NALF1: variants seen among roughly 807,000 people sequenced by gnomAD.
NALF1 encodes the protein family with sequence similarity 155 member A.
Under a neutral mutation model 48.4 loss-of-function variants are expected in NALF1, and 3 were observed. The observed-to-expected ratio is 0.06, with a 90% CI of 0.03 to 0.16. The LOEUF (loss-of-function observed/expected upper bound fraction) is 0.16. Among genes scored for constraint, NALF1 ranks in the 10% least tolerant of loss-of-function variants. NALF1 has a pLI of 1.00. For missense variants in NALF1, 526 were observed against 571.5 expected (o/e 0.92, Z 0.81); for synonymous variants, 262 against 245.7 (o/e 1.07, Z -0.62).
chr13:107,610,448 G>GT (rs1879195228), intron 1 of NALF1, among the ~76,000 whole-genome samples: 1 of 151,266 alleles, frequency 6.6e-6, no homozygotes, highest in Non-Finnish European at 1.5e-5. Flanking sequence ...ATAATTTCAA[G>GT]TAAAAAAAAG....
intron 1 of NALF1, among the ~76,000 whole-genome samples, chr13:107,627,453 T>C (rs1879704725): frequency 6.6e-6 from 1 of 152,036 alleles, no homozygotes; most frequent in Non-Finnish European, 1.5e-5. Context: ...TCAGTGTTAT[T>C]TACCATGAGC....
At chr13:107,214,786 A>T (rs746771519) in intron 1 of NALF1, among the ~76,000 whole-genome samples, 3 of 152,186 alleles carry the variant, frequency 2.0e-5, no homozygotes, top group Non-Finnish European at 4.4e-5. Context: ...AAATGACAGC[A>T]TCATTTTTAC....
chr13:107,554,042 G>A (rs1269338420), intron 1 of NALF1, among the ~76,000 whole-genome samples: 1 of 152,240 alleles, frequency 6.6e-6, no homozygotes, highest in African/African-American at 2.4e-5. Context: ...GAGAGCCTTA[G>A]TCCCACATCT....
At chr13:107,269,384 T>C (rs569168762) in intron 1 of NALF1, among the ~76,000 whole-genome samples, 2 of 152,160 alleles carry the variant, frequency 1.3e-5, no homozygotes, top group South Asian at 4.2e-4. Context: ...GCAGAGTGGA[T>C]AGTAAATGTT....
chr13:107,704,653 A>G (rs1881904816), intron 1 of NALF1, among the ~76,000 whole-genome samples: 1 of 152,172 alleles, frequency 6.6e-6, no homozygotes, highest in Non-Finnish European at 1.5e-5. Flanking sequence ...CCTAAAAAAA[A>G]TCCTATAATC....
chr13:107,427,314 T>A (rs987370427), intron 1 of NALF1, among the ~76,000 whole-genome samples: 1 of 151,984 alleles, frequency 6.6e-6, no homozygotes, highest in Non-Finnish European at 1.5e-5. Flanking sequence ...GTATACTTTT[T>A]AATACTCTTA....
chr13:107,429,716 A>T (rs1192728244), intron 1 of NALF1, among the ~76,000 whole-genome samples: 1 of 151,866 alleles, frequency 6.6e-6, no homozygotes, highest in Non-Finnish European at 1.5e-5. Flanking sequence ...ATAAAGACCG[A>T]ATCAAAATCC....
intron 1 of NALF1, among the ~76,000 whole-genome samples, chr13:107,277,162 C>G (rs1881298060): frequency 6.6e-6 from 1 of 152,108 alleles, no homozygotes; most frequent in Non-Finnish European, 1.5e-5. Context: ...CGGAAACTGC[C>G]AATTTAATAC....
chr13:107,658,886 ATTGT>A (rs2138474681), intron 1 of NALF1, among the ~76,000 whole-genome samples: 1 of 152,046 alleles, frequency 6.6e-6, no homozygotes, highest in South Asian at 2.1e-4. Flanking sequence ...CCCTACTCAG[ATTGT>A]TTGTTCAGTA....
intron 1 of NALF1, among the ~76,000 whole-genome samples, chr13:107,376,765 T>G (rs1336833824): frequency 1.3e-5 from 2 of 152,152 alleles, no homozygotes; most frequent in Non-Finnish European, 2.9e-5. Context: ...CCCACACATA[T>G]CCTAGTGAAA....
intron 1 of NALF1, among the ~76,000 whole-genome samples, chr13:107,768,476 G>A (rs970937235): frequency 3.2e-4 from 49 of 152,230 alleles, no homozygotes; most frequent in Non-Finnish European, 6.8e-4. Context: ...GCTTTTATAA[G>A]AATTTGGAAT....
chr13:107,513,503 T>C (rs571600333), intron 1 of NALF1, among the ~76,000 whole-genome samples: 25 of 152,148 alleles, frequency 1.6e-4, no homozygotes, highest in Non-Finnish European at 2.8e-4. Flanking sequence ...CCATCTTTTT[T>C]TTTTTTCTGT....
intron 1 of NALF1, among the ~76,000 whole-genome samples, chr13:107,436,348 G>T (rs1884463596): frequency 6.6e-6 from 1 of 152,086 alleles, no homozygotes; most frequent in Non-Finnish European, 1.5e-5. Context: ...TGTATTAAAA[G>T]GGTAACCATT....
At chr13:107,627,632 C>T (rs975191763) in intron 1 of NALF1, among the ~76,000 whole-genome samples, 2 of 152,030 alleles carry the variant, frequency 1.3e-5, no homozygotes, top group Non-Finnish European at 1.5e-5. Context: ...AAAGCCCGCA[C>T]ATAAGGCTTT....
chr13:107,306,338 T>A (rs17368275), intron 1 of NALF1, among the ~76,000 whole-genome samples: 10,057 of 152,218 alleles, frequency 0.066, 528 homozygotes, highest in African/African-American at 0.13. Context: ...TGGGACAGAC[T>A]TGAGGATTGT....
chr13:107,362,376 C>CA lies in NALF1; in HGVS notation c.916-151622dup, dbSNP rs1883078291. Among the ~76,000 whole-genome samples the CA allele has an allele frequency of 6.6e-6, 1 of 152,176 alleles. No homozygotes were observed. Among genetic ancestry groups the CA allele is most frequent in the East Asian group, 1.9e-4 (1 of 5,186 alleles). On this transcript the variant is annotated intron_variant, in intron 1 of 2. Coordinates refer to ENST00000375915, the MANE Select transcript of NALF1 (RefSeq NM_001080396.3). This position sits in a 1 kb window ranked among gnomAD's most constrained non-coding sequence, Gnocchi z 4.6. Reference sequence around the variant, plus strand: ...GAACAGTCTGAAATCAAGGTGGTGTCAGGACCATGCTTCCTCTGAAACCTG... The same window carrying CA: ...GAACAGTCTGAAATCAAGGTGGTGTCAAGGACCATGCTTCCTCTGAAACCTG...
At chr13:107,274,642 T>C (rs1273900584) in intron 1 of NALF1, among the ~76,000 whole-genome samples, 1 of 152,180 alleles carries the variant, frequency 6.6e-6, no homozygotes, top group Non-Finnish European at 1.5e-5. Flanking sequence ...ACATGATCAG[T>C]AGTTATTACC....
At chr13:107,347,593 T>C (rs1175491566) in intron 1 of NALF1, among the ~76,000 whole-genome samples, 1 of 152,232 alleles carries the variant, frequency 6.6e-6, no homozygotes, top group Non-Finnish European at 1.5e-5. Flanking sequence ...CCATGTCAAG[T>C]AACAATGAGC....
rs149976551 is a variant in NALF1 at position 107,236,707 on chromosome 13, A to G, written c.916-25952T>C. Among the ~76,000 whole-genome samples the G allele has an allele frequency of 7.6e-3, 1,145 of 151,322 alleles. 17 individuals are homozygous for G. The highest frequency in any genetic ancestry group is 0.027 in the African/African-American group (1,094 of 41,184). The stretch of plus-strand genomic sequence containing the variant: ...TATCTATCTATCTATCTATCTATCT[A>G]TCTATCTATCTATCTATCTATCTAT... On this transcript the variant is annotated intron_variant, in intron 1 of 2. Transcript: ENST00000375915.
Sources: allele counts gnomAD v4.1 joint callset (sites outside exome capture counted in the v4.1 genomes callset), GRCh38; gene constraint gnomAD v4.1.1; non-coding constraint Gnocchi (gnomAD v3.1); transcripts MANE v1.5; gene names NCBI Gene and HGNC (gene_info 2026-07-23, HGNC 2026-07-21).